ZFHX3: variants seen among roughly 807,000 people sequenced by gnomAD.
The protein encoded by ZFHX3 is zinc finger homeobox 3, also known as zinc finger homeobox protein 3.
A neutral mutation model predicts 279.1 loss-of-function variants in ZFHX3; 42 were observed. The observed-to-expected ratio is 0.15, with a 90% confidence interval of 0.12 to 0.19. The LOEUF is 0.19. Among genes scored for constraint, ZFHX3 ranks in the 10% least tolerant of loss-of-function variants. The pLI is 1.00. For missense variants in ZFHX3, 4,981 were observed against 4,754.0 expected (o/e 1.05, Z -1.40); for synonymous variants, 2,293 against 1,957.8 (o/e 1.17, Z -4.52).
At position 72,797,430 on chromosome 16, in the gene ZFHX3, T is replaced by C; in HGVS notation, c.5252A>G (p.Gln1751Arg). Residue 1751 changes from glutamine (Q) to arginine (R), a missense_variant, in exon 9 of 10, where the codon CAA becomes CGA. Gln to Arg is a conservative substitution (Grantham distance 43). Around this residue, in one of 7 missense-constraint regions of ZFHX3, gnomAD observed 1,751 missense variants for 1,770.0 expected, o/e 0.99. Coordinates refer to ENST00000268489, the MANE Select transcript of ZFHX3 (RefSeq NM_006885.4). ...CTCCTGCTGCAGGTGAGCTTGAACT[T>C]GAGCCTGGGCCTGGGCCAGCGTTTG... The part of the protein sequence containing the change: ...QAQTLAQAQA[Q>R]VQAHLQQELQ... 2.5e-6 allele frequency: 4 copies of C among 1,613,308 alleles called. No individual in the cohort carries two copies. The highest frequency in any genetic ancestry group is 3.4e-6 in the Non-Finnish European group (4 of 1,179,666).
intron 4 of ZFHX3, among the ~76,000 whole-genome samples, chr16:73,301,179 G>A (rs1275780115): frequency 2.6e-5 from 4 of 152,156 alleles, no homozygotes; most frequent in Admixed American, 2.6e-4. Context: ...TACAGAGGTT[G>A]GTTTAGGAGG....
chr16:73,496,227 GC>G (rs2019139413), intron 2 of ZFHX3, among the ~76,000 whole-genome samples: 1 of 152,304 alleles, frequency 6.6e-6, no homozygotes, highest in African/African-American at 2.4e-5. Context: ...TTGGCCTTTT[GC>G]TTTTCTTAGA....
intron 2 of ZFHX3, among the ~76,000 whole-genome samples, chr16:73,581,716 G>T (rs1488791562): frequency 1.5e-5 from 2 of 129,946 alleles, no homozygotes; most frequent in Non-Finnish European, 3.1e-5. Context: ...TGTTGCCCAG[G>T]CTGGAGTGCA....
chr16:73,072,867 C>T (rs561169361), intron 8 of ZFHX3, among the ~76,000 whole-genome samples: 35 of 151,900 alleles, frequency 2.3e-4, no homozygotes, highest in African/African-American at 7.7e-4. Flanking sequence ...CTGTGCCCAG[C>T]GCATTCCTAT....
At chr16:73,663,885 ACCACCC>A (rs1331771410) in intron 2 of ZFHX3, among the ~76,000 whole-genome samples, 3 of 152,138 alleles carry the variant, frequency 2.0e-5, no homozygotes, top group African/African-American at 7.2e-5. Flanking sequence ...ATGTTCTGTA[ACCACCC>A]CCACCTCAGT....
chr16:73,390,530 G>T (rs2016989981), intron 3 of ZFHX3, among the ~76,000 whole-genome samples: 1 of 152,140 alleles, frequency 6.6e-6, no homozygotes, highest in Non-Finnish European at 1.5e-5. Context: ...CTAGAGAATG[G>T]TATATTTTGA....
intron 3 of ZFHX3, among the ~76,000 whole-genome samples, chr16:73,382,288 T>G (rs1243822686): frequency 6.6e-6 from 1 of 152,180 alleles, no homozygotes; most frequent in Non-Finnish European, 1.5e-5. Context: ...TTTATAAAAA[T>G]GTAAAACTTT....
chr16:73,169,485 CA>C (rs953545307), intron 5 of ZFHX3, among the ~76,000 whole-genome samples: 1 of 151,728 alleles, frequency 6.6e-6, no homozygotes, highest in African/African-American at 2.4e-5. Context: ...TACTAAAATC[CA>C]AAAAAATTAG....
Position 73,010,571 on chromosome 16 carries a change from T to C in ZFHX3, c.-50+37181A>G, listed in dbSNP as rs1963879280. Among the ~76,000 whole-genome samples the C allele has an allele frequency of 4.6e-5, 7 of 152,196 alleles. 1 individual carries two copies. In the South Asian group the frequency reaches 1.4e-3, roughly 32 times the overall value. On this transcript the variant is annotated intron_variant, in intron 1 of 9. Coordinates refer to ENST00000268489, the MANE Select transcript of ZFHX3 (RefSeq NM_006885.4). ...CAGCCTCAGGGCAGAGCCTCCCTGC[T>C]GACCTGCAGAACCAGGTTACCTCAT... is the stretch of plus-strand genomic sequence containing the variant.
Position 73,844,316 on chromosome 16 carries a change from C to T in ZFHX3, c.-1608+47335G>A, listed in dbSNP as rs562119185. Reference sequence around the variant, plus strand: ...GGGGTTGAACAGGACAGCTGTTTTGCTACTGGTACTTGGACTTGGTTGAAG... The same window carrying T: ...GGGGTTGAACAGGACAGCTGTTTTGTTACTGGTACTTGGACTTGGTTGAAG... On this transcript the variant is annotated intron_variant, in intron 1 of 17. Coordinates refer to the ZFHX3 transcript ENST00000641206. 8.5e-5 allele frequency among the ~76,000 whole-genome samples: 13 copies of T among 152,230 alleles called. No homozygotes were observed. In the South Asian group the frequency reaches 2.5e-3, roughly 29 times the overall value.
chr16:73,807,751 G>T (rs985709614), intron 1 of ZFHX3, among the ~76,000 whole-genome samples: 1 of 148,598 alleles, frequency 6.7e-6, no homozygotes, highest in Non-Finnish European at 1.5e-5. Flanking sequence ...AATTACAGAC[G>T]TAAGCCACTG....
chr16:73,779,103 C>A (rs542656385), intron 1 of ZFHX3, among the ~76,000 whole-genome samples: 1 of 152,258 alleles, frequency 6.6e-6, no homozygotes, highest in South Asian at 2.1e-4. Flanking sequence ...GAGTGGCACA[C>A]AGAACCCGTG....
intron 4 of ZFHX3, among the ~76,000 whole-genome samples, chr16:72,835,158 T>C (rs2037158809): frequency 6.6e-6 from 1 of 152,126 alleles, no homozygotes; most frequent in African/African-American, 2.4e-5. Flanking sequence ...GGGTGGGATG[T>C]TTGAGGGTGG....
chr16:72,922,691 T>C (rs2039613247), intron 3 of ZFHX3, among the ~76,000 whole-genome samples: 1 of 152,190 alleles, frequency 6.6e-6, no homozygotes, highest in Admixed American at 6.5e-5. Flanking sequence ...CCTTTGAAAT[T>C]GCCTTGTGTG....
At chr16:73,460,370 TG>T (rs1741821998) in intron 2 of ZFHX3, among the ~76,000 whole-genome samples, 1 of 152,240 alleles carries the variant, frequency 6.6e-6, no homozygotes, top group African/African-American at 2.4e-5. Flanking sequence ...ATCTACCTAC[TG>T]GAGGACAACT....
At position 72,960,037 on chromosome 16, in the gene ZFHX3, T is replaced by C. The variant is rs370366739; in HGVS notation, c.109A>G (p.Ser37Gly). Reference protein sequence around the residue: ...LNSTHLPDKPSSMEQSTGESH... With the variant: ...LNSTHLPDKPGSMEQSTGESH... ...TCGCCTGTGGACTGCTCCATGCTAC[T>C]GGGTTTGTCAGGGAGGTGGGTGCTG... Residue 37 changes from serine to glycine, a missense_variant, in exon 2 of 10, where the codon AGT becomes GGT. Transcript: ENST00000268489. 2.5e-6 allele frequency: 4 copies of C among 1,613,866 alleles called. No individual in the cohort carries two copies. The African/African-American group carries it at 4.0e-5, about 16-fold the overall frequency.
intron 2 of ZFHX3, among the ~76,000 whole-genome samples, chr16:73,585,921 A>G (rs935639242): frequency 6.6e-6 from 1 of 152,230 alleles, no homozygotes; most frequent in African/African-American, 2.4e-5. Context: ...AGTAGTAGAA[A>G]AAAATAAACG....
At chr16:73,589,111 T>G (rs2051960956) in intron 2 of ZFHX3, among the ~76,000 whole-genome samples, 1 of 150,628 alleles carries the variant, frequency 6.6e-6, no homozygotes, top group South Asian at 2.1e-4. Context: ...ATACAAAAAA[T>G]TACCTGGGTG....
At chr16:73,357,345 G>T (rs2016360584) in intron 3 of ZFHX3, among the ~76,000 whole-genome samples, 1 of 150,546 alleles carries the variant, frequency 6.6e-6, no homozygotes, top group Admixed American at 6.6e-5. Flanking sequence ...CAAAAATTGA[G>T]AGAGAGAGAG....
Sources: allele counts gnomAD v4.1 joint callset (sites outside exome capture counted in the v4.1 genomes callset), GRCh38; gene constraint gnomAD v4.1.1; regional missense constraint gnomAD v4.1.1; transcripts MANE v1.5; gene names NCBI Gene and HGNC (gene_info 2026-07-23, HGNC 2026-07-21).